Variants in VWA8 observed in about 807,000 individuals in gnomAD.
VWA8 encodes von Willebrand factor A domain containing 8, also known as von Willebrand factor A domain-containing protein 8.
A neutral mutation model predicts 241.5 loss-of-function variants in VWA8; 221 were observed. That is an observed-to-expected ratio of 0.91 (90% CI 0.82 to 1.02). The LOEUF is 1.02. VWA8 is among the 50% of genes least tolerant of loss of function. VWA8 has a pLI of 0.00. For synonymous variants in VWA8, 852 were observed against 827.1 expected (o/e 1.03, Z -0.52); for missense variants, 2,322 against 2,328.7 (o/e 1.00, Z 0.06).
intron 17 of VWA8, among the ~76,000 whole-genome samples, chr13:41,802,345 A>T (rs1294144536): frequency 6.6e-6 from 1 of 152,206 alleles, no homozygotes; most frequent in Non-Finnish European, 1.5e-5. Context: ...CAGGGGTCAG[A>T]ACCTGAATTC....
Position 41,906,499 on chromosome 13 carries a change from C to A in VWA8, c.483+1087G>T, listed in dbSNP as rs551808787. Reference sequence around the variant, plus strand: ...ATTTATTTTTTTCACTTAATTTATCCTGCACATCTTTCCTATCAGTACGTA... The same window carrying A: ...ATTTATTTTTTTCACTTAATTTATCATGCACATCTTTCCTATCAGTACGTA... On this transcript the variant is annotated intron_variant, in intron 4 of 44. Transcript: ENST00000379310. Among the ~76,000 whole-genome samples, 238 of 152,168 alleles carry A rather than the reference C, an allele frequency of 1.6e-3. 2 individuals are homozygous for A. Among genetic ancestry groups the A allele is most frequent in the Non-Finnish European group, 3.0e-3 (203 of 67,942 alleles).
At chr13:41,649,414 T>C (rs1566401775) in intron 37 of VWA8, among the ~76,000 whole-genome samples, 2 of 152,174 alleles carry the variant, frequency 1.3e-5, no homozygotes, top group Non-Finnish European at 2.9e-5. Flanking sequence ...GAATATGTCC[T>C]ATAGTAAAAT....
At position 41,699,137 on chromosome 13, in the gene VWA8, G is replaced by C. The variant is rs760393141; in HGVS notation, c.3498C>G (p.His1166Gln). Residue 1166 changes from histidine (H) to glutamine (Q), a missense_variant, in exon 29 of 45, where the codon CAC (histidine) becomes CAG (glutamine). Coordinates refer to ENST00000379310, the MANE Select transcript of VWA8 (RefSeq NM_015058.2). ...IFPRTANGVW[H>Q]PFVTVAPLGS... Reference sequence around the variant, plus strand: ...CCAGCGGTGCCACTGTCACAAAAGGGTGCCAAACGCCATTGGCTGTTCTTG... The same window carrying C: ...CCAGCGGTGCCACTGTCACAAAAGGCTGCCAAACGCCATTGGCTGTTCTTG... 1.8e-5 allele frequency: 29 copies of C among 1,614,046 alleles called. No individual in the cohort carries two copies. Among genetic ancestry groups the C allele is most frequent in the Non-Finnish European group, 2.5e-5 (29 of 1,179,968 alleles).
rs557070555 is a variant in VWA8, at chr13:41,631,194, A to AT, written c.4612-16111dup. Reference sequence around the variant, plus strand: ...GCTACCACACCTAGCTAATTTTTGTATTTTTTGTAGAGCTGGGGTTTCACC... The same window carrying AT: ...GCTACCACACCTAGCTAATTTTTGTATTTTTTTGTAGAGCTGGGGTTTCACC... On this transcript the variant is annotated intron_variant, in intron 37 of 44. Transcript: ENST00000379310. 1.8e-3 allele frequency among the ~76,000 whole-genome samples: 267 copies of AT among 152,028 alleles called. 1 individual carries two copies. Among genetic ancestry groups the AT allele is most frequent in the Admixed American group, 3.9e-3 (60 of 15,278 alleles).
In VWA8 at chr13:41,912,060, C is replaced by A; in HGVS notation, c.350G>T (p.Arg117Leu). 4 of 1,597,944 alleles carry A rather than the reference C, an allele frequency of 2.5e-6. No homozygotes were observed. Among genetic ancestry groups the A allele is most frequent in the South Asian group, 2.3e-5 (2 of 87,924 alleles). ...CACCAAGTACTGCATAGCAATAGAGCGTCGAAGAGGCCCAGGAGGTCCTAT... is the reference window on the plus strand; with the variant it reads ...CACCAAGTACTGCATAGCAATAGAGAGTCGAAGAGGCCCAGGAGGTCCTAT... ...FLIGPPGPLR[R>L]SIAMQYLELT... Residue 117 changes from arginine to leucine, a missense_variant, in exon 3 of 45, where the codon CGC becomes CTC. Transcript: ENST00000379310.
intron 12 of VWA8, among the ~76,000 whole-genome samples, chr13:41,846,072 G>C (rs1311048636): frequency 1.3e-5 from 2 of 149,658 alleles, no homozygotes; most frequent in Non-Finnish European, 3.0e-5. Context: ...TAAGAGACAG[G>C]TCTCCCTACA....
chr13:41,908,078 A>C (rs763666086), intron 3 of VWA8, among the ~76,000 whole-genome samples: 4 of 152,196 alleles, frequency 2.6e-5, no homozygotes, highest in Non-Finnish European at 5.9e-5. Context: ...TCTTTTATAA[A>C]GGGGTGATTT....
At chr13:41,599,754 G>A (rs1419824135) in intron 40 of VWA8, among the ~76,000 whole-genome samples, 2 of 152,124 alleles carry the variant, frequency 1.3e-5, no homozygotes, top group Admixed American at 1.3e-4. Context: ...TTCTTATTTT[G>A]TTTGGAAAAG....
At chr13:41,849,880 C>G (rs1220498174) in intron 12 of VWA8, among the ~76,000 whole-genome samples, 1 of 150,808 alleles carries the variant, frequency 6.6e-6, no homozygotes, top group Admixed American at 6.6e-5. Context: ...GAGTGAGACT[C>G]TGTCTCAAAA....
chr13:41,643,320 T>C (rs569883202), intron 37 of VWA8, among the ~76,000 whole-genome samples: 2 of 152,346 alleles, frequency 1.3e-5, no homozygotes, highest in East Asian at 3.9e-4. Flanking sequence ...TGTGTGATCC[T>C]GAACTTTTCC....
chr13:41,576,550 G>A (rs1409607887), intron 42 of VWA8, among the ~76,000 whole-genome samples: 1 of 152,176 alleles, frequency 6.6e-6, no homozygotes, highest in East Asian at 1.9e-4. Context: ...GTGAGAAGAA[G>A]GGTTTCCTAG....
At chr13:41,596,142 C>T in intron 40 of VWA8, among the ~76,000 whole-genome samples, 1 of 152,172 alleles carries the variant, frequency 6.6e-6, no homozygotes, top group African/African-American at 2.4e-5. Context: ...TTCTTGAGAA[C>T]TAAACATATG....
intron 17 of VWA8, among the ~76,000 whole-genome samples, chr13:41,800,571 G>T (rs1489832761): frequency 6.6e-6 from 1 of 151,690 alleles, no homozygotes; most frequent in African/African-American, 2.4e-5. Flanking sequence ...GGAGGATCAT[G>T]AAGTCAGGAG....
chr13:41,898,187 G>C, intron 4 of VWA8, among the ~76,000 whole-genome samples: 1 of 151,744 alleles, frequency 6.6e-6, no homozygotes, highest in Non-Finnish European at 1.5e-5. Flanking sequence ...CCCTGAGCTA[G>C]ACATAAAGGT....
chr13:41,737,006 G>T (rs1452197854), intron 21 of VWA8, among the ~76,000 whole-genome samples: 1 of 151,886 alleles, frequency 6.6e-6, no homozygotes, highest in African/African-American at 2.4e-5. Flanking sequence ...ACCACACTTG[G>T]CTGATTTTTG....
chr13:41,877,417 C>T (rs1439486152), intron 9 of VWA8, among the ~76,000 whole-genome samples: 1 of 151,760 alleles, frequency 6.6e-6, no homozygotes, highest in African/African-American at 2.4e-5. Flanking sequence ...AAACAAAACA[C>T]ATATTAAAAT....
intron 13 of VWA8, among the ~76,000 whole-genome samples, 168 bp from the exon 14 acceptor site, chr13:41,830,810 C>T (rs1871418673): frequency 6.6e-6 from 1 of 152,022 alleles, no homozygotes; most frequent in Non-Finnish European, 1.5e-5. Context: ...TGTTACACTT[C>T]GCAAAACTGT....
chr13:41,679,492 AC>A (rs1472113682), intron 35 of VWA8, among the ~76,000 whole-genome samples: 1 of 152,232 alleles, frequency 6.6e-6, no homozygotes, highest in Non-Finnish European at 1.5e-5. Context: ...GTTCAAAAAA[AC>A]ATTGTACTGC....
At chr13:41,742,717 T>C (rs1444859006) in intron 21 of VWA8, among the ~76,000 whole-genome samples, 1 of 152,226 alleles carries the variant, frequency 6.6e-6, no homozygotes, top group Non-Finnish European at 1.5e-5. Flanking sequence ...TAAATTCAGT[T>C]TACTTTGCTA....
Sources: allele counts gnomAD v4.1 joint callset (sites outside exome capture counted in the v4.1 genomes callset), GRCh38; gene constraint gnomAD v4.1.1; transcripts MANE v1.5; gene names NCBI Gene and HGNC (gene_info 2026-07-23, HGNC 2026-07-21).